Variants in GRIK2 observed in about 807,000 individuals in gnomAD.
GRIK2 encodes the protein glutamate ionotropic receptor kainate type subunit 2.
In GRIK2, 32 loss-of-function variants were observed where a neutral mutation model predicts 100.3. The ratio of observed to expected loss-of-function variants is 0.32; its 90% CI spans 0.24 to 0.43. The LOEUF is 0.43. Among genes scored for constraint, GRIK2 ranks in the 20% least tolerant of loss-of-function variants. GRIK2 has a pLI of 1.00. For missense variants in GRIK2, 843 were observed against 1,114.9 expected, an observed-to-expected ratio of 0.76 and a Z score of 3.47; for synonymous variants, 417 against 389.4, an observed-to-expected ratio of 1.07 and a Z score of -0.83.
At chr6:101,938,613 C>A (rs552126748) in intron 14 of GRIK2, among the ~76,000 whole-genome samples, 2 of 151,992 alleles carry the variant, frequency 1.3e-5, no homozygotes, top group Non-Finnish European at 2.9e-5. Context: ...GCCTAATGCA[C>A]AAAGGTGAGC....
In GRIK2 at chr6:101,984,969, T is replaced by C. The variant is rs1278545566; in HGVS notation, c.2086-50372T>C. On this transcript the variant is annotated intron_variant, in intron 14 of 16. Coordinates refer to ENST00000369134, the MANE Select transcript of GRIK2 (RefSeq NM_021956.5). The stretch of plus-strand genomic sequence containing the variant: ...CCATGATCTGCTCCTTCTTCACATC[T>C]TATCTTCCTCTCTGGTGGAACCCCA... Among the ~76,000 whole-genome samples the C allele has an allele frequency of 4.0e-5, 6 of 151,664 alleles. No homozygotes were observed. The East Asian group carries it at 1.2e-3, about 29-fold the overall frequency.
intron 7 of GRIK2, among the ~76,000 whole-genome samples, chr6:101,715,133 A>G (rs1361505757): frequency 6.6e-6 from 1 of 151,856 alleles, no homozygotes; most frequent in Non-Finnish European, 1.5e-5. Flanking sequence ...CATAAAGATT[A>G]TAAAGTTTCT....
At chr6:101,732,646 GT>G (rs2128372120) in intron 7 of GRIK2, among the ~76,000 whole-genome samples, 1 of 152,156 alleles carries the variant, frequency 6.6e-6, no homozygotes, top group Admixed American at 6.5e-5. Context: ...CTTAATATTT[GT>G]TTATTTTTGC....
intron 14 of GRIK2, among the ~76,000 whole-genome samples, chr6:101,963,222 T>G (rs1409828023): frequency 6.7e-6 from 1 of 149,766 alleles, no homozygotes; most frequent in Non-Finnish European, 1.5e-5. Context: ...GTGGTTGATT[T>G]AGGACTTATA....
At chr6:101,460,189 GA>G (rs1476710280) in intron 2 of GRIK2, among the ~76,000 whole-genome samples, 3 of 152,102 alleles carry the variant, frequency 2.0e-5, no homozygotes, top group Admixed American at 6.6e-5. Flanking sequence ...CCTCCCTTGT[GA>G]AAACTTTTCT....
At position 101,980,808 on chromosome 6, in the gene GRIK2, G is replaced by A. The variant is rs1236601325; in HGVS notation, c.2085+52176G>A. On this transcript the variant is annotated intron_variant, in intron 14 of 16. Transcript: ENST00000369134. ...TATTAGTTATAAGAAAATAAACAGA[G>A]CATATAGTAAATAATAAAAATTACA... 2.0e-5 allele frequency among the ~76,000 whole-genome samples: 3 copies of A among 150,606 alleles called. No homozygotes were observed. In the East Asian group the frequency reaches 5.9e-4, roughly 29 times the overall value.
intron 2 of GRIK2, among the ~76,000 whole-genome samples, chr6:101,443,896 T>G (rs1770222480): frequency 6.6e-6 from 1 of 151,930 alleles, no homozygotes; most frequent in African/African-American, 2.4e-5. Flanking sequence ...TATTTTTTAT[T>G]TTTTTCAAGA....
chr6:101,713,994 G>A (rs188953721), intron 7 of GRIK2, among the ~76,000 whole-genome samples: 136 of 151,742 alleles, frequency 9.0e-4, no homozygotes, highest in Non-Finnish European at 1.8e-3. Flanking sequence ...AAATTGTCAG[G>A]TAAAATGTGT....
chr6:101,829,513 G>A lies in GRIK2; in HGVS notation c.1317+11030G>A, dbSNP rs1782542324. On this transcript the variant is annotated intron_variant, in intron 10 of 16. Transcript: ENST00000369134. ...AAAAAACCCTGAAGATTCCTCCAAG[G>A]ACTCATAGACCTGATAAATGACTTC... Among the ~76,000 whole-genome samples, 4 of 151,764 alleles carry A rather than the reference G, an allele frequency of 2.6e-5. No individual in the cohort carries two copies. The South Asian group carries it at 8.3e-4, about 31-fold the overall frequency.
chr6:101,871,833 T>G (rs1785439129), intron 11 of GRIK2, among the ~76,000 whole-genome samples: 1 of 151,970 alleles, frequency 6.6e-6, no homozygotes, highest in Admixed American at 6.6e-5. Context: ...AGTTCTGTGA[T>G]GAACATACAG....
chr6:101,512,671 CTT>C (rs112695973), intron 2 of GRIK2, among the ~76,000 whole-genome samples: 1 of 152,036 alleles, frequency 6.6e-6, no homozygotes, highest in Non-Finnish European at 1.5e-5. Flanking sequence ...ATAGTATTAA[CTT>C]TTTTTCAATC....
chr6:101,590,318 A>G (rs1383270223), intron 2 of GRIK2, among the ~76,000 whole-genome samples: 1 of 152,064 alleles, frequency 6.6e-6, no homozygotes, highest in Non-Finnish European at 1.5e-5. Context: ...TTTGTCAATA[A>G]AGGGCATTGG....
chr6:101,413,186 A>G lies in GRIK2; in HGVS notation c.115+13794A>G, dbSNP rs1775962352. 1.3e-5 allele frequency among the ~76,000 whole-genome samples: 2 copies of G among 152,032 alleles called. 1 individual carries two copies. Among genetic ancestry groups the G allele is most frequent in the Non-Finnish European group, 2.9e-5 (2 of 67,896 alleles). On this transcript the variant is annotated intron_variant, in intron 2 of 16. Transcript: ENST00000369134. ...AGATGACTAAACTTGGCTACAAAAA[A>G]TAGCTATATCTTAATAACAAACCCC... is the stretch of plus-strand genomic sequence containing the variant.
At chr6:101,950,601 C>T (rs1269475049) in intron 14 of GRIK2, among the ~76,000 whole-genome samples, 1 of 152,212 alleles carries the variant, frequency 6.6e-6, no homozygotes, top group East Asian at 1.9e-4. Context: ...CAAATGAAGA[C>T]TATTCCCACC....
chr6:101,886,374 G>C (rs769324932), intron 11 of GRIK2, among the ~76,000 whole-genome samples: 2 of 151,546 alleles, frequency 1.3e-5, no homozygotes, highest in Non-Finnish European at 2.9e-5. Context: ...GTGTCTATCT[G>C]TATCCTTTTT....
At chr6:101,707,559 T>C (rs1773397863) in intron 7 of GRIK2, among the ~76,000 whole-genome samples, 1 of 108,126 alleles carries the variant, frequency 9.2e-6, no homozygotes, top group Admixed American at 1.1e-4. Flanking sequence ...TATGTGTATA[T>C]ATATGTATAT....
At chr6:101,424,978 T>G (rs538822888) in intron 2 of GRIK2, among the ~76,000 whole-genome samples, 1 of 152,018 alleles carries the variant, frequency 6.6e-6, no homozygotes, top group Non-Finnish European at 1.5e-5. Context: ...GTTGGACATT[T>G]GGGTTGGTTC....
At chr6:102,025,501 G>A (rs1769647417) in intron 14 of GRIK2, among the ~76,000 whole-genome samples, 1 of 151,180 alleles carries the variant, frequency 6.6e-6, no homozygotes, top group Admixed American at 6.6e-5. Context: ...AAAAAGGAAT[G>A]TATCAGCAAA....
intron 4 of GRIK2, among the ~76,000 whole-genome samples, 191 bp downstream of exon 4, chr6:101,626,828 C>A (rs143776241): frequency 2.3e-3 from 347 of 152,134 alleles, no homozygotes; most frequent in Middle Eastern, 0.01. Context: ...ATGTTGAATA[C>A]TTCTTCTCTG....
Sources: allele counts gnomAD v4.1 joint callset (sites outside exome capture counted in the v4.1 genomes callset), GRCh38; gene constraint gnomAD v4.1.1; transcripts MANE v1.5; gene names NCBI Gene and HGNC (gene_info 2026-07-23, HGNC 2026-07-21).